Variants in CNIH3 observed in about 807,000 individuals in gnomAD.
CNIH3 encodes cornichon family AMPA receptor auxiliary protein 3, also known as protein cornichon homolog 3.
In CNIH3, 14 loss-of-function variants were observed where a neutral mutation model predicts 24.1. That is an observed-to-expected ratio of 0.58 (90% CI 0.38 to 0.91). CNIH3 has a LOEUF of 0.91. Ranked by LOEUF, CNIH3 falls within the 40% of genes least tolerant of loss-of-function variation. The pLI is 0.00. For missense variants in CNIH3, 178 were observed against 196.8 expected, an observed-to-expected ratio of 0.90 and a Z score of 0.57; for synonymous variants, 68 against 73.8, an observed-to-expected ratio of 0.92 and a Z score of 0.40.
At chr1:224,539,436 A>G (rs1679426138), downstream of CNIH3, among the ~76,000 whole-genome samples, 1 of 152,232 alleles carries the variant, frequency 6.6e-6, no homozygotes, top group Non-Finnish European at 1.5e-5. Context: ...TTCATGACAT[A>G]TCAAATTTCC....
intron 3 of CNIH3, among the ~76,000 whole-genome samples, chr1:224,685,472 C>T (rs1170657718): frequency 1.3e-5 from 2 of 152,266 alleles, no homozygotes; most frequent in East Asian, 1.9e-4. Context: ...TAGCTGGGGG[C>T]CCCTGTGTCT....
In CNIH3 at chr1:224,507,175, A is replaced by C. The variant is rs791504; in HGVS notation, n.204-8566A>C. Among the ~76,000 whole-genome samples the C allele has an allele frequency of 5.3e-5, 8 of 152,168 alleles. No homozygotes were observed. In the East Asian group the frequency reaches 1.5e-3, roughly 29 times the overall value. ...CCACCATGCCCAGCCACCAGTTCTT[A>C]TAAACGTATCAACATGTATGTATCC... On this transcript the variant is annotated intron_variant and non_coding_transcript_variant, in intron 1 of 5. Coordinates refer to the CNIH3 transcript ENST00000471578.
intron 3 of CNIH3, among the ~76,000 whole-genome samples, chr1:224,696,088 G>A (rs1430577990): frequency 6.6e-6 from 1 of 152,138 alleles, no homozygotes; most frequent in Non-Finnish European, 1.5e-5. Context: ...TCTGCCTTGG[G>A]AGGCCTGTCC....
At chr1:224,701,863 AT>A (rs1687508414) in intron 3 of CNIH3, among the ~76,000 whole-genome samples, 1 of 152,156 alleles carries the variant, frequency 6.6e-6, no homozygotes, top group African/African-American at 2.4e-5. Context: ...GGAGCATGCT[AT>A]TTCATTTTTC....
At position 224,677,809 on chromosome 1, in the gene CNIH3, G is replaced by A. The variant is rs1044764268; in HGVS notation, c.82-3149G>A. Among the ~76,000 whole-genome samples the A allele has an allele frequency of 2.6e-4, 39 of 152,334 alleles. 1 individual carries two copies. Among genetic ancestry groups the A allele is most frequent in the Admixed American group, 2.2e-3 (34 of 15,308 alleles). ...GGGTTGGGGATTGTCCACAATGTGG[G>A]GGCTTGGCTCCCTTTCCTCCATGGG... On this transcript the variant is annotated intron_variant, in intron 1 of 5. Transcript: ENST00000272133.
intron 1 of CNIH3, among the ~76,000 whole-genome samples, chr1:224,488,730 A>G (rs1374310031): frequency 6.6e-6 from 1 of 152,126 alleles, no homozygotes; most frequent in Non-Finnish European, 1.5e-5. Flanking sequence ...GTCTTTCCAA[A>G]ATGCTTGGAT....
intron 1 of CNIH3, among the ~76,000 whole-genome samples, chr1:224,490,754 G>A (rs746443608): frequency 2.0e-5 from 3 of 152,092 alleles, no homozygotes; most frequent in Non-Finnish European, 2.9e-5. Context: ...AAACTTCAGC[G>A]GAATTAAATT....
Position 224,704,340 on chromosome 1 carries a change from G to T in CNIH3, c.198+19497G>T, listed in dbSNP as rs1001090518. Reference sequence around the variant, plus strand: ...CTCTGAAAGCCAGCAGGGGCTCTCTGCAAAAGCTAAAGTCAGCAGCAGATG... The same window carrying T: ...CTCTGAAAGCCAGCAGGGGCTCTCTTCAAAAGCTAAAGTCAGCAGCAGATG... On this transcript the variant is annotated intron_variant, in intron 3 of 5. Transcript: ENST00000272133. The surrounding 1 kb of genome is among the most constrained non-coding windows in gnomAD (Gnocchi z 4.2). Among the ~76,000 whole-genome samples the T allele has an allele frequency of 1.3e-4, 20 of 152,186 alleles. No individual in the cohort carries two copies. Among genetic ancestry groups the T allele is most frequent in the African/African-American group, 4.8e-4 (20 of 41,448 alleles).
At chr1:224,485,492 C>T (rs527514661) in intron 1 of CNIH3, among the ~76,000 whole-genome samples, 7 of 152,128 alleles carry the variant, frequency 4.6e-5, no homozygotes, top group African/African-American at 9.6e-5. Flanking sequence ...ACCCCACCAC[C>T]GCCCCCCTTT....
intron 3 of CNIH3, among the ~76,000 whole-genome samples, chr1:224,593,627 A>G (rs1393330805): frequency 6.6e-6 from 1 of 152,248 alleles, no homozygotes; most frequent in Non-Finnish European, 1.5e-5. Context: ...TGATCACTGT[A>G]CATTATATGT....
At chr1:224,557,292 CCCACCTCAGCCTT>C (rs1219691869) in intron 3 of CNIH3, among the ~76,000 whole-genome samples, 4 of 152,130 alleles carry the variant, frequency 2.6e-5, no homozygotes, top group African/African-American at 9.7e-5. Flanking sequence ...AAACAATACT[CCCACCTCAGCCTT>C]CCAAAGTGCT....
chr1:224,435,294 A>C (rs1324015857), intron 1 of CNIH3: 1 of 847,644 alleles, frequency 1.2e-6, no homozygotes, highest in East Asian at 1.2e-4. Context: ...CGGGTTTCAC[A>C]ACCTACTTGT....
At chr1:224,555,437 C>G (rs1228053352) in intron 3 of CNIH3, among the ~76,000 whole-genome samples, 1 of 152,130 alleles carries the variant, frequency 6.6e-6, no homozygotes, top group African/African-American at 2.4e-5. Context: ...TTAGAGGCCC[C>G]TAACCTGCAC....
At chr1:224,682,972 G>T (rs1686475064) in intron 2 of CNIH3, among the ~76,000 whole-genome samples, 1 of 152,126 alleles carries the variant, frequency 6.6e-6, no homozygotes, top group Non-Finnish European at 1.5e-5. Flanking sequence ...ATATTTTTGT[G>T]GAACCCTTTC....
At chr1:224,593,651 A>G (rs1681857646) in intron 3 of CNIH3, among the ~76,000 whole-genome samples, 1 of 152,244 alleles carries the variant, frequency 6.6e-6, no homozygotes, top group Non-Finnish European at 1.5e-5. Context: ...AAAACATCAT[A>G]TGGACCCCAC....
chr1:224,601,196 T>TG (rs1393379683), intron 3 of CNIH3, among the ~76,000 whole-genome samples: 1 of 152,216 alleles, frequency 6.6e-6, no homozygotes, highest in Non-Finnish European at 1.5e-5. Context: ...GGCATGCTTC[T>TG]GGGGGGTTGC....
chr1:224,560,543 G>A (rs188882800), intron 3 of CNIH3, among the ~76,000 whole-genome samples: 66 of 152,134 alleles, frequency 4.3e-4, no homozygotes, highest in African/African-American at 1.4e-3. Flanking sequence ...CCTAAGCTCC[G>A]CCTCCTTTCA....
intron 3 of CNIH3, among the ~76,000 whole-genome samples, chr1:224,551,023 C>T (rs1177255659): frequency 6.6e-6 from 1 of 152,026 alleles, no homozygotes; most frequent in Admixed American, 6.6e-5. Context: ...CAATGAGATA[C>T]CATCTCACAC....
intron 3 of CNIH3, among the ~76,000 whole-genome samples, chr1:224,720,160 C>T (rs1471816459): frequency 2.0e-5 from 3 of 152,158 alleles, no homozygotes; most frequent in African/African-American, 7.2e-5. Flanking sequence ...ATTCAATTCA[C>T]CCTCTTTTGT....
Sources: allele counts gnomAD v4.1 joint callset (sites outside exome capture counted in the v4.1 genomes callset), GRCh38; gene constraint gnomAD v4.1.1; non-coding constraint Gnocchi (gnomAD v3.1); transcripts MANE v1.5; gene names NCBI Gene and HGNC (gene_info 2026-07-23, HGNC 2026-07-21).